Variants in BTRC observed in about 807,000 individuals in gnomAD.
BTRC encodes F-box/WD repeat-containing protein 1A.
In BTRC, 42 loss-of-function variants were observed where a neutral mutation model predicts 85.5. The ratio of observed to expected loss-of-function variants is 0.49; its 90% confidence interval spans 0.38 to 0.64. The LOEUF is 0.64. Ranked by LOEUF, BTRC falls within the 30% of genes least tolerant of loss-of-function variation. The pLI is 0.00. For synonymous variants in BTRC, 255 were observed against 263.3 expected (o/e 0.97, Z 0.30); for missense variants, 594 against 743.5 (o/e 0.80, Z 2.34).
intron 4 of BTRC, among the ~76,000 whole-genome samples, chr10:101,480,481 C>G (rs139798948): frequency 3.7e-4 from 56 of 152,310 alleles, no homozygotes; most frequent in African/African-American, 1.3e-3. Flanking sequence ...AGGGCTTGCT[C>G]TCTGCCTCAT....
At chr10:101,383,069 T>TC (rs1441267233) in intron 1 of BTRC, among the ~76,000 whole-genome samples, 1 of 147,774 alleles carries the variant, frequency 6.8e-6, no homozygotes, top group African/African-American at 2.5e-5. Flanking sequence ...TTTTTTTTTT[T>TC]TTTTTTTTTT....
intron 3 of BTRC, among the ~76,000 whole-genome samples, chr10:101,475,953 A>ATATATATATATATATATAT (rs1265691229): frequency 1.1e-4 from 15 of 133,814 alleles, no homozygotes; most frequent in African/African-American, 2.4e-4. Flanking sequence ...ATATATATAT[A>ATATATATATATATATATAT]TTCAGTAATT....
chr10:101,452,089 G>A (rs751769503), intron 2 of BTRC, among the ~76,000 whole-genome samples: 17 of 152,142 alleles, frequency 1.1e-4, no homozygotes, highest in Non-Finnish European at 1.5e-4. Context: ...AGTAAATTAT[G>A]ATCCTGTTTT....
chr10:101,543,733 T>G (rs2062514035), intron 13 of BTRC, among the ~76,000 whole-genome samples: 1 of 152,186 alleles, frequency 6.6e-6, no homozygotes, highest in African/African-American at 2.4e-5. Flanking sequence ...TATTGCAGTC[T>G]ACTATCAGAT....
intron 1 of BTRC, among the ~76,000 whole-genome samples, chr10:101,406,297 C>T (rs995045710): frequency 4.6e-5 from 7 of 151,230 alleles, no homozygotes; most frequent in Non-Finnish European, 8.9e-5. Flanking sequence ...CTGCCTCAGC[C>T]TCCCGAGTAG....
At chr10:101,374,742 C>T (rs1380617617) in intron 1 of BTRC, among the ~76,000 whole-genome samples, 1 of 150,530 alleles carries the variant, frequency 6.6e-6, no homozygotes, top group Non-Finnish European at 1.5e-5. Context: ...TGTATGTAAC[C>T]TGCACAATGT....
intron 4 of BTRC, among the ~76,000 whole-genome samples, chr10:101,480,546 C>T (rs1945806916): frequency 6.6e-6 from 1 of 152,096 alleles, no homozygotes; most frequent in East Asian, 1.9e-4. Flanking sequence ...GCTAGATATC[C>T]GAGGTCTCTT....
intron 1 of BTRC, among the ~76,000 whole-genome samples, chr10:101,412,397 T>A (rs1041075071): frequency 2.0e-5 from 3 of 152,222 alleles, no homozygotes; most frequent in African/African-American, 7.2e-5. Context: ...TCACCTTATT[T>A]GTTTCCCGTC....
chr10:101,452,264 T>C (rs1431530076), intron 2 of BTRC, among the ~76,000 whole-genome samples: 1 of 152,220 alleles, frequency 6.6e-6, no homozygotes, highest in Non-Finnish European at 1.5e-5. Context: ...TGAACTTCTT[T>C]TTTATTATTA....
intron 5 of BTRC, among the ~76,000 whole-genome samples, chr10:101,525,268 T>G (rs1004904620): frequency 1.3e-5 from 2 of 152,226 alleles, no homozygotes; most frequent in Non-Finnish European, 2.9e-5. Flanking sequence ...TGTTTTCCTC[T>G]GCACCTCCTA....
chr10:101,449,867 A>T (rs1232246680), intron 2 of BTRC, among the ~76,000 whole-genome samples: 1 of 152,034 alleles, frequency 6.6e-6, no homozygotes, highest in African/African-American at 2.4e-5. Flanking sequence ...TCCATCACGA[A>T]AAACACAACC....
At chr10:101,520,464 T>A (rs537605829) in intron 4 of BTRC, among the ~76,000 whole-genome samples, 1 of 152,296 alleles carries the variant, frequency 6.6e-6, no homozygotes, top group South Asian at 2.1e-4. Flanking sequence ...TTTGGCACAT[T>A]ATAGAGGTTC....
At chr10:101,457,389 A>G (rs9419907) in intron 2 of BTRC, among the ~76,000 whole-genome samples, 56,869 of 152,116 alleles carry the variant, frequency 0.37, 11,751 homozygotes, top group Middle Eastern at 0.49. Flanking sequence ...ACTCATGGTC[A>G]AGTAGCATGT....
At chr10:101,540,627 G>A (rs1331273206) in intron 13 of BTRC, among the ~76,000 whole-genome samples, 1 of 152,100 alleles carries the variant, frequency 6.6e-6, no homozygotes, top group African/African-American at 2.4e-5. Flanking sequence ...AGTTTGCCAA[G>A]TTCAACCAAA....
chr10:101,519,074 CTTT>C (rs35213665), intron 4 of BTRC, among the ~76,000 whole-genome samples: 3 of 104,930 alleles, frequency 2.9e-5, no homozygotes, highest in East Asian at 2.6e-4. Flanking sequence ...CTCTTCTCAG[CTTT>C]TTTTTTTTTT....
At position 101,393,974 on chromosome 10, in the gene BTRC, G is replaced by T. The variant is rs374770908; in HGVS notation, c.49-36371G>T. On this transcript the variant is annotated intron_variant, in intron 1 of 14. Transcript: ENST00000370187. Reference sequence around the variant, plus strand: ...TAATGCAGACTTCGTAGACTGTAGAGCATGTCCCTCTAAAACTGAGTGTAT... The same window carrying T: ...TAATGCAGACTTCGTAGACTGTAGATCATGTCCCTCTAAAACTGAGTGTAT... Among the ~76,000 whole-genome samples, 140 of 152,328 alleles carry T rather than the reference G, an allele frequency of 9.2e-4. 5 individuals carry two copies. In the South Asian group the frequency reaches 0.027, roughly 30 times the overall value.
At position 101,400,528 on chromosome 10, in the gene BTRC, A is replaced by G. The variant is rs750979202; in HGVS notation, c.49-29817A>G. 2.2e-4 allele frequency among the ~76,000 whole-genome samples: 34 copies of G among 152,204 alleles called. 1 individual carries two copies. Among genetic ancestry groups the G allele is most frequent in the Admixed American group, 6.5e-5 (1 of 15,278 alleles). On this transcript the variant is annotated intron_variant, in intron 1 of 14. Transcript: ENST00000370187. Reference sequence around the variant, plus strand: ...ACACATCTGTAGAGGAAGATGATCCATAAGTCTAATGCTAAGGATTTGCCT... The same window carrying G: ...ACACATCTGTAGAGGAAGATGATCCGTAAGTCTAATGCTAAGGATTTGCCT...
chr10:101,456,692 C>T (rs1162312792), intron 2 of BTRC, among the ~76,000 whole-genome samples: 3 of 152,112 alleles, frequency 2.0e-5, no homozygotes, highest in Non-Finnish European at 4.4e-5. Flanking sequence ...CCTTTTCCTA[C>T]CCAAATCTCT....
chr10:101,468,906 C>G (rs1945449714), intron 3 of BTRC, among the ~76,000 whole-genome samples: 2 of 152,166 alleles, frequency 1.3e-5, no homozygotes, highest in South Asian at 4.1e-4. Flanking sequence ...GTTAGATAAT[C>G]CTATGTCATT....
Sources: allele counts gnomAD v4.1 joint callset (sites outside exome capture counted in the v4.1 genomes callset), GRCh38; gene constraint gnomAD v4.1.1; transcripts MANE v1.5; gene names NCBI Gene and HGNC (gene_info 2026-07-23, HGNC 2026-07-21).